Variants in PSD3 observed in about 807,000 individuals in gnomAD.
PSD3 encodes the protein PH and SEC7 domain-containing protein 3.
PSD3 carries 49 observed loss-of-function variants against 105.5 expected under a neutral mutation model. The observed-to-expected ratio is 0.46, with a 90% CI of 0.37 to 0.59. The LOEUF is 0.59. Ranked by LOEUF, PSD3 falls within the 20% of genes least tolerant of loss-of-function variation. The probability of loss-of-function intolerance (pLI) is 0.00; values close to 1 mark genes in which losing one functional copy is unlikely to be tolerated. For synonymous variants in PSD3, 557 were observed against 457.8 expected (o/e 1.22, Z -2.77); for missense variants, 1,561 against 1,263.8 (o/e 1.24, Z -3.57).
At chr8:18,742,167 T>C (rs1317627043) in intron 9 of PSD3, among the ~76,000 whole-genome samples, 1 of 152,252 alleles carries the variant, frequency 6.6e-6, no homozygotes, top group Non-Finnish European at 1.5e-5. Flanking sequence ...TTTGTTCTAA[T>C]TTCTTAGAAT....
intron 1 of PSD3, among the ~76,000 whole-genome samples, chr8:18,965,620 T>C (rs56277438): frequency 0.19 from 29,459 of 152,160 alleles, 3,142 homozygotes; most frequent in Non-Finnish European, 0.24. Context: ...TCCCCACAGA[T>C]AGACTCGAAG....
chr8:18,579,096 C>CCACACACACACACACACACACA (rs3988324), intron 12 of PSD3, among the ~76,000 whole-genome samples: 3 of 143,556 alleles, frequency 2.1e-5, no homozygotes, highest in Admixed American at 1.4e-4. Flanking sequence ...AGCTCCAAGT[C>CCACACACACACACACACACACA]CACACACACA....
chr8:18,955,719 T>C (rs982573536), intron 1 of PSD3, among the ~76,000 whole-genome samples: 1 of 152,104 alleles, frequency 6.6e-6, no homozygotes, highest in African/African-American at 2.4e-5. Context: ...TTTTCAGTCA[T>C]GTCTGAATCT....
chr8:18,911,739 T>C (rs1202401548), intron 2 of PSD3, among the ~76,000 whole-genome samples: 1 of 152,012 alleles, frequency 6.6e-6, no homozygotes, highest in African/African-American at 2.4e-5. Context: ...GATATATATA[T>C]AGACATAGAT....
intron 9 of PSD3, among the ~76,000 whole-genome samples, chr8:18,707,107 T>C (rs572723139): frequency 3.3e-5 from 5 of 152,280 alleles, no homozygotes; most frequent in South Asian, 2.1e-4. Context: ...ACTCCACACA[T>C]GTATACACAT....
intron 9 of PSD3, among the ~76,000 whole-genome samples, chr8:18,672,267 G>T (rs936561887): frequency 2.0e-5 from 3 of 151,876 alleles, no homozygotes; most frequent in African/African-American, 7.3e-5. Flanking sequence ...CTATGGACAT[G>T]ATGAAGTTAA....
At chr8:18,865,833 C>G (rs1816893111) in intron 4 of PSD3, among the ~76,000 whole-genome samples, 1 of 152,192 alleles carries the variant, frequency 6.6e-6, no homozygotes, top group Non-Finnish European at 1.5e-5. Context: ...ATACCACTGT[C>G]TAAATATGAG....
intron 9 of PSD3, among the ~76,000 whole-genome samples, chr8:18,690,595 A>AT (rs1800919705): frequency 6.6e-6 from 1 of 152,190 alleles, no homozygotes; most frequent in South Asian, 2.1e-4. Context: ...ATGAGGCCTG[A>AT]TACAGGCTCC....
chr8:18,869,948 T>C lies in PSD3; in HGVS notation c.1238+1678A>G, dbSNP rs571570341. ...TGCAGTGTCAGGACATAGGAGACAA[T>C]TGAAAATATTTGTGGGAAGAAAAGA... On this transcript the variant is annotated intron_variant, in intron 3 of 15. Transcript: ENST00000327040. Among the ~76,000 whole-genome samples the C allele has an allele frequency of 3.1e-3, 473 of 152,234 alleles. 2 individuals are homozygous for C. The highest frequency in any genetic ancestry group is 0.014 in the Middle Eastern group (4 of 294).
intron 2 of PSD3, among the ~76,000 whole-genome samples, chr8:18,896,369 T>A (rs562221570): frequency 9.8e-5 from 15 of 152,340 alleles, no homozygotes; most frequent in Middle Eastern, 3.4e-3. Context: ...AGAGCTCTAT[T>A]TTTAGTTTTT....
At chr8:19,021,440 C>A (rs1032120558) in intron 1 of PSD3, among the ~76,000 whole-genome samples, 3 of 151,730 alleles carry the variant, frequency 2.0e-5, no homozygotes. Flanking sequence ...ATACTCACTC[C>A]CAATTTTTTT....
chr8:18,548,872 C>G (rs78839949), intron 15 of PSD3, among the ~76,000 whole-genome samples: 3,738 of 152,204 alleles, frequency 0.025, 111 homozygotes, highest in South Asian at 0.16. Flanking sequence ...TGATGGAGGT[C>G]TACAGAGTAG....
chr8:19,006,453 C>CTGG (rs1368927099), intron 1 of PSD3, among the ~76,000 whole-genome samples: 1 of 151,964 alleles, frequency 6.6e-6, no homozygotes, highest in East Asian at 1.9e-4. Flanking sequence ...ATTGTTATGC[C>CTGG]TTGATACTGT....
intron 4 of PSD3, among the ~76,000 whole-genome samples, chr8:18,809,369 G>A (rs1240171242): frequency 6.6e-6 from 1 of 152,088 alleles, no homozygotes; most frequent in African/African-American, 2.4e-5. Context: ...AGTAAACATG[G>A]TAATAATTCT....
At chr8:18,551,129 T>C (rs1231773047) in intron 15 of PSD3, among the ~76,000 whole-genome samples, 1 of 152,178 alleles carries the variant, frequency 6.6e-6, no homozygotes, top group East Asian at 1.9e-4. Flanking sequence ...GAGATATGCC[T>C]CTGCACTGCT....
intron 1 of PSD3, among the ~76,000 whole-genome samples, chr8:18,961,616 A>G (rs1823930256): frequency 6.6e-6 from 1 of 151,984 alleles, no homozygotes. Flanking sequence ...GCTTCAACCC[A>G]GGAGGCGGAG....
chr8:18,640,597 A>G (rs1264049948), intron 10 of PSD3, among the ~76,000 whole-genome samples: 1 of 152,166 alleles, frequency 6.6e-6, no homozygotes, highest in South Asian at 2.1e-4. Context: ...CCCTTCTGCC[A>G]TAACTGTAAG....
chr8:18,718,689 A>T (rs1802755058), intron 9 of PSD3, among the ~76,000 whole-genome samples: 1 of 152,220 alleles, frequency 6.6e-6, no homozygotes, highest in East Asian at 1.9e-4. Flanking sequence ...TCTGAAGAAA[A>T]CCGCTAAAAA....
intron 2 of PSD3, among the ~76,000 whole-genome samples, chr8:18,908,342 T>A (rs2129463075): frequency 6.6e-6 from 1 of 152,338 alleles, no homozygotes; most frequent in Non-Finnish European, 1.5e-5. Context: ...GATCATATCT[T>A]AATTTACTTC....
Sources: allele counts gnomAD v4.1 joint callset (sites outside exome capture counted in the v4.1 genomes callset), GRCh38; gene constraint gnomAD v4.1.1; transcripts MANE v1.5; gene names NCBI Gene and HGNC (gene_info 2026-07-23, HGNC 2026-07-21).